Variants in CNTN6 observed in about 807,000 individuals in gnomAD.
CNTN6 encodes contactin 6.
CNTN6 carries 137 observed loss-of-function variants against 122.8 expected under a neutral mutation model. That is an observed-to-expected ratio of 1.12 (90% CI 0.97 to 1.29). The LOEUF is 1.29. Ranked by LOEUF, CNTN6 falls within the 50% of genes most tolerant of loss-of-function variation. The probability of loss-of-function intolerance (pLI) is 0.00; values close to 1 mark genes in which losing one functional copy is unlikely to be tolerated. For synonymous variants in CNTN6, 570 were observed against 426.0 expected, an observed-to-expected ratio of 1.34 and a Z score of -4.16; for missense variants, 1,634 against 1,223.4, an observed-to-expected ratio of 1.34 and a Z score of -5.01.
intron 2 of CNTN6, among the ~76,000 whole-genome samples, chr3:1,214,710 A>G (rs1393081522): frequency 2.0e-5 from 3 of 152,148 alleles, no homozygotes; most frequent in African/African-American, 7.2e-5. Flanking sequence ...CTGGTATAAA[A>G]TGGTACTGTT....
At chr3:1,101,396 T>C (rs2090888812) in intron 1 of CNTN6, among the ~76,000 whole-genome samples, 1 of 152,226 alleles carries the variant, frequency 6.6e-6, no homozygotes, top group South Asian at 2.1e-4. Flanking sequence ...AAGAGTTTTA[T>C]ACTTACATAG....
chr3:1,227,852 A>G lies in CNTN6; in HGVS notation c.217A>G (p.Met73Val), dbSNP rs1244270310. ...AAATGGCACAGACATTGATTTTACT[A>G]TGAGTTATCACTACAGGTTGGATGG... ...KQNGTDIDFT[M>V]SYHYRLDGGS... The change falls in exon 4 of 23, where the codon ATG (methionine) becomes GTG (valine). Residue 73 changes from methionine (M) to valine (V), a missense_variant. Transcript: ENST00000446702. 3.7e-6 allele frequency: 6 copies of G among 1,613,760 alleles called. No individual in the cohort carries two copies. Among genetic ancestry groups the G allele is most frequent in the South Asian group, 2.2e-5 (2 of 91,058 alleles).
intron 19 of CNTN6, 87 bp downstream of exon 19, chr3:1,383,495 T>G: frequency 1.0e-6 from 1 of 965,902 alleles, no homozygotes; most frequent in Non-Finnish European, 1.6e-6. Context: ...CCTACTAGCC[T>G]GTTGTTAGCA....
At chr3:1,189,150 A>G (rs2093666884) in intron 2 of CNTN6, among the ~76,000 whole-genome samples, 1 of 152,204 alleles carries the variant, frequency 6.6e-6, no homozygotes, top group African/African-American at 2.4e-5. Flanking sequence ...AGAAATTATA[A>G]TTATATCCGC....
At chr3:1,277,681 T>A (rs898700412) in intron 4 of CNTN6, among the ~76,000 whole-genome samples, 1 of 152,136 alleles carries the variant, frequency 6.6e-6, no homozygotes, top group African/African-American at 2.4e-5. Flanking sequence ...ATTCATTAAA[T>A]AACTAATTGA....
chr3:1,364,292 A>T (rs1005882421), intron 12 of CNTN6, among the ~76,000 whole-genome samples: 1 of 151,952 alleles, frequency 6.6e-6, no homozygotes, highest in Non-Finnish European at 1.5e-5. Flanking sequence ...AGTGCTATTT[A>T]TATACTAGTT....
chr3:1,190,313 G>A (rs553029415), intron 2 of CNTN6, among the ~76,000 whole-genome samples: 1 of 152,212 alleles, frequency 6.6e-6, no homozygotes, highest in South Asian at 2.1e-4. Context: ...GTCACATCGG[G>A]GGTTAGGAAT....
intron 4 of CNTN6, among the ~76,000 whole-genome samples, chr3:1,278,015 C>T (rs887183676): frequency 1.3e-4 from 20 of 152,292 alleles, no homozygotes; most frequent in African/African-American, 4.1e-4. Flanking sequence ...AGATGCCAGT[C>T]ACACTTTAAA....
chr3:1,246,933 T>C (rs1208683146), intron 4 of CNTN6, among the ~76,000 whole-genome samples: 1 of 152,184 alleles, frequency 6.6e-6, no homozygotes, highest in Non-Finnish European at 1.5e-5. Flanking sequence ...ATGTTGCTTT[T>C]TTGTGTAGGA....
At chr3:1,120,280 G>A (rs975308198) in intron 1 of CNTN6, among the ~76,000 whole-genome samples, 3 of 151,782 alleles carry the variant, frequency 2.0e-5, no homozygotes, top group East Asian at 1.9e-4. Flanking sequence ...CTTAGTAAAT[G>A]TTTTTGAAAG....
intron 20 of CNTN6, among the ~76,000 whole-genome samples, chr3:1,388,068 A>ACT: frequency 6.6e-6 from 1 of 151,986 alleles, no homozygotes; most frequent in African/African-American, 2.4e-5. Context: ...CCACAGCTCA[A>ACT]GGAGGCCTGC....
Position 1,403,527 on chromosome 3 carries a change from GA to G in CNTN6, c.*119del, listed in dbSNP as rs375564246. 3,563 of 463,432 alleles carry G rather than the reference GA, an allele frequency of 7.7e-3. 49 individuals carry two copies. Among genetic ancestry groups the G allele is most frequent in the African/African-American group, 0.047 (2,274 of 48,010 alleles). 28.7% of individuals were successfully genotyped at this position (463,432 alleles called of 1,614,324 possible). A position where few individuals can be genotyped will look rare whatever the true frequency, so the allele number is the denominator to read the frequency against. ...TTCTTAATACAGACTTGTTTGCAAAGAAAAAAAAAAGTATATTATTAAAATC... is the reference window on the plus strand; with the variant it reads ...TTCTTAATACAGACTTGTTTGCAAAGAAAAAAAAAGTATATTATTAAAATC... On this transcript the variant is annotated 3_prime_UTR_variant, in exon 23 of 23. Coordinates refer to ENST00000446702, the MANE Select transcript of CNTN6 (RefSeq NM_001289080.2).
intron 2 of CNTN6, among the ~76,000 whole-genome samples, chr3:1,174,701 A>T (rs1176087329): frequency 6.6e-6 from 1 of 152,172 alleles, no homozygotes; most frequent in African/African-American, 2.4e-5. Context: ...CTTCACCCAC[A>T]TGCTCACTTC....
intron 4 of CNTN6, among the ~76,000 whole-genome samples, chr3:1,272,023 C>A (rs1394643693): frequency 6.6e-6 from 1 of 152,138 alleles, no homozygotes; most frequent in Admixed American, 6.5e-5. Context: ...CCATGCTGTT[C>A]TCCTGTTAGT....
rs762258158 is a variant in CNTN6, at chr3:1,329,918, C to T, written c.1347C>T (p.Thr449=). 1.9e-6 allele frequency: 3 copies of T among 1,571,080 alleles called. No homozygotes were observed. Among genetic ancestry groups the T allele is most frequent in the Non-Finnish European group, 2.6e-6 (3 of 1,163,464 alleles). ...TCTCTTGGAAAAGAGGAACGGAGAC[C>T]CTTAGACAAAGCAAAAGGTAAACAA... ...AAISWKRGTE[T]LRQSKRIFLL... is the part of the protein sequence containing the mutation. Residue 449 remains threonine, a synonymous_variant, in exon 11 of 23, where the codon ACC becomes ACT. Transcript: ENST00000446702.
intron 4 of CNTN6, among the ~76,000 whole-genome samples, chr3:1,245,286 TATATATAAC>T (rs1559597180): frequency 0.01 from 87 of 8,362 alleles, 4 homozygotes; most frequent in South Asian, 0.076. Flanking sequence ...CACACACATA[TATATATAAC>T]ATATATATAT....
intron 20 of CNTN6, among the ~76,000 whole-genome samples, chr3:1,391,764 G>C (rs1576059093): frequency 6.7e-6 from 1 of 149,490 alleles, no homozygotes; most frequent in East Asian, 2.0e-4. Context: ...ACCAACAACA[G>C]ACAAACAGAG....
chr3:1,329,730 G>T (rs1702024443), intron 10 of CNTN6, 55 bp from the exon 11 acceptor site: 1 of 1,471,892 alleles, frequency 6.8e-7, no homozygotes, highest in African/African-American at 1.4e-5. Flanking sequence ...CACCCCTGGA[G>T]TCACTACATG....
intron 2 of CNTN6, among the ~76,000 whole-genome samples, chr3:1,194,784 T>A (rs572663513): frequency 3.3e-5 from 5 of 152,146 alleles, no homozygotes; most frequent in African/African-American, 9.7e-5. Flanking sequence ...TTGGGGGTGA[T>A]GTCAACTCCA....
Sources: gnomAD v4.1 joint callset for allele counts (sites outside exome capture counted in the v4.1 genomes callset) on GRCh38, gnomAD v4.1.1 for gene constraint, MANE v1.5 for transcripts, NCBI Gene and HGNC (gene_info 2026-07-23, HGNC 2026-07-21) for gene names.